NHSL1: variants seen among roughly 807,000 people sequenced by gnomAD.
NHSL1 encodes the protein NHS-like protein 1.
In NHSL1, 48 loss-of-function variants were observed where a neutral mutation model predicts 95.0. The observed-to-expected ratio is 0.51, with a 90% CI of 0.40 to 0.64. The LOEUF (loss-of-function observed/expected upper bound fraction) is 0.64. Ranked by LOEUF, NHSL1 falls within the 30% of genes least tolerant of loss-of-function variation. The pLI is 0.00. For missense variants in NHSL1, 1,971 were observed against 2,077.7 expected (o/e 0.95, Z 1.00); for synonymous variants, 783 against 833.9 (o/e 0.94, Z 1.05).
At chr6:138,581,675 G>A (rs1444333169) in intron 1 of NHSL1, among the ~76,000 whole-genome samples, 2 of 126,026 alleles carry the variant, frequency 1.6e-5, no homozygotes, top group African/African-American at 6.5e-5. Flanking sequence ...CTGGGTGACA[G>A]AGTGAGACTC....
chr6:138,578,584 C>T (rs931270138), intron 1 of NHSL1, among the ~76,000 whole-genome samples: 3 of 152,128 alleles, frequency 2.0e-5, no homozygotes, highest in African/African-American at 4.8e-5. Context: ...AATAAAATTC[C>T]AAATAAATAA....
chr6:138,468,734 T>C (rs1275529468), intron 3 of NHSL1, among the ~76,000 whole-genome samples: 1 of 152,338 alleles, frequency 6.6e-6, no homozygotes, highest in African/African-American at 2.4e-5. Flanking sequence ...CCTAGGTGTG[T>C]AGTAGGCTGT....
intron 1 of NHSL1, among the ~76,000 whole-genome samples, chr6:138,661,042 T>C (rs756087418): frequency 6.6e-6 from 1 of 152,220 alleles, no homozygotes; most frequent in African/African-American, 2.4e-5. Flanking sequence ...AGAAGATTCA[T>C]ACATGATTTG....
Position 138,473,359 on chromosome 6 carries a change from C to T in NHSL1, c.286G>A (p.Ala96Thr), listed in dbSNP as rs941566699. Residue 96 changes from alanine (A) to threonine (T), a missense_variant, in exon 3 of 8, where the codon GCC (alanine) becomes ACC (threonine). Ala to Thr is a moderately conservative substitution (Grantham distance 58, BLOSUM62 0). Transcript: ENST00000343505. The stretch of plus-strand genomic sequence containing the variant: ...TGGTAATCATCACAGAATGGGCTGG[C>T]GTTGGCCGCAAAGGTGGGTCCCTGA... ...YSQGPTFAANASPFCDDYQDE... is the reference protein window; with the variant it reads ...YSQGPTFAANTSPFCDDYQDE... 15 of 1,548,062 alleles carry T rather than the reference C, an allele frequency of 9.7e-6. No homozygotes were observed. The African/African-American group carries it at 1.5e-4, about 16-fold the overall frequency.
chr6:138,525,649 G>A (rs183434219), intron 1 of NHSL1, among the ~76,000 whole-genome samples: 6 of 152,062 alleles, frequency 3.9e-5, no homozygotes, highest in African/African-American at 4.8e-5. Flanking sequence ...AAATCAGGAC[G>A]TACTTTGTTG....
upstream of NHSL1, among the ~76,000 whole-genome samples, chr6:138,548,554 C>G (rs1235978533): frequency 6.6e-6 from 1 of 152,216 alleles, no homozygotes. Context: ...GACAATCCTT[C>G]TCCTTCCAAT....
At position 138,431,862 on chromosome 6, in the gene NHSL1, G is replaced by C. The variant is rs1417870486; in HGVS notation, c.2483C>G (p.Pro828Arg). The C allele has an allele frequency of 1.3e-6, 2 of 1,551,600 alleles. No individual in the cohort carries two copies. Among genetic ancestry groups the C allele is most frequent in the Non-Finnish European group, 1.7e-6 (2 of 1,146,986 alleles). Residue 828 changes from proline to arginine, a missense_variant, in exon 6 of 8, where the codon CCC becomes CGC. Pro to Arg is a moderately radical substitution (Grantham distance 103). Around this residue, in one of 3 missense-constraint regions of NHSL1, gnomAD observed 1,602 missense variants for 1,654.5 expected, o/e 0.97. Coordinates refer to ENST00000343505, the MANE Select transcript of NHSL1 (RefSeq NM_001144060.2). This position sits in a 1 kb window ranked among gnomAD's most constrained non-coding sequence, Gnocchi z 4.0. ...GATCTTTGGTTTGACTGAACCACCG[G>C]GCACTTGGGGCATTGTGGCTCTGGA... ...EGSRATMPQVPGGSVKPKIMS... is the reference protein window; with the variant it reads ...EGSRATMPQVRGGSVKPKIMS...
intron 1 of NHSL1, among the ~76,000 whole-genome samples, chr6:138,525,561 A>AAAT (rs1466749542): frequency 6.6e-6 from 1 of 150,740 alleles, no homozygotes; most frequent in Non-Finnish European, 1.5e-5. Context: ...ATAAATAAAT[A>AAAT]AATAAATAAA....
chr6:138,622,424 A>T (rs1784677160), intron 1 of NHSL1, among the ~76,000 whole-genome samples: 1 of 152,102 alleles, frequency 6.6e-6, no homozygotes, highest in Non-Finnish European at 1.5e-5. Flanking sequence ...GAATGGCATG[A>T]ACCCAGAGCC....
intron 5 of NHSL1, among the ~76,000 whole-genome samples, chr6:138,436,528 T>C (rs1191113226): frequency 6.6e-6 from 1 of 152,216 alleles, no homozygotes; most frequent in Non-Finnish European, 1.5e-5. Context: ...AAAGGAGCCA[T>C]TTATATAACA....
At chr6:138,648,351 T>TAAAA (rs1785046426) in intron 1 of NHSL1, among the ~76,000 whole-genome samples, 1 of 105,354 alleles carries the variant, frequency 9.5e-6, no homozygotes, top group East Asian at 3.2e-4. Flanking sequence ...TTACGGACAC[T>TAAAA]GAAAAAAAAA....
At chr6:138,502,772 C>G (rs918573951), upstream of NHSL1, among the ~76,000 whole-genome samples, 5 of 152,126 alleles carry the variant, frequency 3.3e-5, no homozygotes. Context: ...ATCTGTAAAA[C>G]GGGATAACAA....
chr6:138,508,075 T>C (rs1038598996), intron 1 of NHSL1, among the ~76,000 whole-genome samples: 8 of 152,236 alleles, frequency 5.3e-5, no homozygotes, highest in Admixed American at 2.6e-4. Flanking sequence ...GGTCAATTTC[T>C]AAACATCTGC....
chr6:138,510,873 G>T (rs1389621666), intron 1 of NHSL1, among the ~76,000 whole-genome samples: 1 of 152,096 alleles, frequency 6.6e-6, no homozygotes, highest in African/African-American at 2.4e-5. Flanking sequence ...CTAGTACCCT[G>T]GTATTTCTAA....
At chr6:138,670,974 C>T (rs1785360640) in intron 1 of NHSL1, among the ~76,000 whole-genome samples, 1 of 151,852 alleles carries the variant, frequency 6.6e-6, no homozygotes, top group African/African-American at 2.4e-5. Context: ...CACAGTGAGA[C>T]TCCTACCTCT....
intron 3 of NHSL1, among the ~76,000 whole-genome samples, chr6:138,455,536 A>ACATGCTCCCTGCAAGAAGCCCCGCCTTCG (rs1562287982): frequency 9.9e-5 from 3 of 30,238 alleles, no homozygotes; most frequent in African/African-American, 2.3e-4. Flanking sequence ...CCCCGCCTTC[A>ACATGCTCCCTGCAAGAAGCCCCGCCTTCG]CATGCTCCCT....
chr6:138,429,212 C>T (rs1775461814), intron 7 of NHSL1, among the ~76,000 whole-genome samples: 1 of 152,202 alleles, frequency 6.6e-6, no homozygotes. Flanking sequence ...AAGGGCCGTA[C>T]TCTTTTATAG....
intron 1 of NHSL1, among the ~76,000 whole-genome samples, chr6:138,680,041 A>C (rs934733228): frequency 6.6e-6 from 1 of 152,176 alleles, no homozygotes; most frequent in Non-Finnish European, 1.5e-5. Context: ...TTTAGGATGA[A>C]TATACCTCAA....
chr6:138,497,875 C>A (rs1293469723), intron 1 of NHSL1, among the ~76,000 whole-genome samples: 11 of 152,124 alleles, frequency 7.2e-5, no homozygotes, highest in Admixed American at 7.2e-4. Flanking sequence ...CCGTAAGTTG[C>A]TAAATGAGAA....
Sources: gnomAD v4.1 joint callset for allele counts (sites outside exome capture counted in the v4.1 genomes callset) on GRCh38, gnomAD v4.1.1 for gene constraint, gnomAD v4.1.1 regional missense constraint, Gnocchi (gnomAD v3.1) non-coding constraint, MANE v1.5 for transcripts, NCBI Gene and HGNC (gene_info 2026-07-23, HGNC 2026-07-21) for gene names.